Variants in RSRC1 observed in about 807,000 individuals in gnomAD.
The protein encoded by RSRC1 is serine/Arginine-related protein 53.
RSRC1 carries 39 observed loss-of-function variants against 49.1 expected under a neutral mutation model. That is an observed-to-expected ratio of 0.79 (90% CI 0.61 to 1.04). The LOEUF (loss-of-function observed/expected upper bound fraction) is 1.04, where lower values mean the gene tolerates loss of function less well. Among genes scored for constraint, RSRC1 ranks in the 50% least tolerant of loss-of-function variants. RSRC1 has a pLI of 0.00. For missense variants in RSRC1, 388 were observed against 402.4 expected (o/e 0.96, Z 0.31); for synonymous variants, 143 against 130.8 (o/e 1.09, Z -0.63).
At chr3:158,259,256 A>G (rs73874347) in intron 4 of RSRC1, among the ~76,000 whole-genome samples, 11,647 of 152,016 alleles carry the variant, frequency 0.077, 538 homozygotes, top group South Asian at 0.13. Flanking sequence ...GTTGCACTCT[A>G]TGTCTTTGGT....
intron 4 of RSRC1, among the ~76,000 whole-genome samples, chr3:158,218,286 A>G (rs532912166): frequency 6.6e-6 from 1 of 151,684 alleles, no homozygotes; most frequent in East Asian, 1.9e-4. Flanking sequence ...GTAAGAGTGG[A>G]TGCGGAGAAA....
chr3:158,139,270 G>A (rs1212437945), intron 3 of RSRC1, among the ~76,000 whole-genome samples: 1 of 151,914 alleles, frequency 6.6e-6, no homozygotes, highest in Non-Finnish European at 1.5e-5. Context: ...GCCTGGTGAC[G>A]GGTGCCTGTA....
At chr3:158,217,255 C>T (rs558483930) in intron 4 of RSRC1, among the ~76,000 whole-genome samples, 12 of 151,658 alleles carry the variant, frequency 7.9e-5, no homozygotes, top group Admixed American at 2.6e-4. Flanking sequence ...CCAAAGAGTC[C>T]GTGATATGTT....
chr3:158,175,225 A>G (rs1413898460), intron 3 of RSRC1, among the ~76,000 whole-genome samples: 1 of 151,286 alleles, frequency 6.6e-6, no homozygotes, highest in Non-Finnish European at 1.5e-5. Context: ...CTGGTTATAA[A>G]CCCTTTGTTG....
At chr3:158,207,330 CTT>C (rs1234189567) in intron 4 of RSRC1, among the ~76,000 whole-genome samples, 2 of 152,146 alleles carry the variant, frequency 1.3e-5, no homozygotes, top group African/African-American at 4.8e-5. Context: ...CTCCCTCTCT[CTT>C]CGTTCTTACT....
At chr3:158,368,693 A>T (rs187515284) in intron 6 of RSRC1, among the ~76,000 whole-genome samples, 2 of 152,320 alleles carry the variant, frequency 1.3e-5, no homozygotes, top group African/African-American at 4.8e-5. Flanking sequence ...TTGCTTATAT[A>T]TTAGATATAT....
At chr3:158,527,077 C>CTTTT (rs543523088) in intron 7 of RSRC1, among the ~76,000 whole-genome samples, 3 of 110,174 alleles carry the variant, frequency 2.7e-5, no homozygotes, top group East Asian at 2.8e-4. Flanking sequence ...AGTTCAAAAT[C>CTTTT]TTTTTTTTTT....
chr3:158,151,669 A>G (rs540440449), intron 3 of RSRC1, among the ~76,000 whole-genome samples: 2 of 152,316 alleles, frequency 1.3e-5, no homozygotes, highest in African/African-American at 4.8e-5. Context: ...ATGCAGAACC[A>G]GTATTCTTAA....
intron 3 of RSRC1, among the ~76,000 whole-genome samples, chr3:158,186,795 C>G (rs572250344): frequency 6.6e-6 from 1 of 151,710 alleles, no homozygotes; most frequent in African/African-American, 2.4e-5. Flanking sequence ...CTTTTTTTCC[C>G]CTTCTTCCCA....
Position 158,122,213 on chromosome 3 carries a change from C to T in RSRC1, c.109C>T (p.Arg37Ter), listed in dbSNP as rs1276427072. 1.2e-6 allele frequency: 2 copies of T among 1,606,988 alleles called. No homozygotes were observed. Among genetic ancestry groups the T allele is most frequent in the East Asian group, 2.3e-5 (1 of 44,238 alleles). The part of the protein sequence containing the change: ...SSSSDSRTYS[R>*]KKGGRKSRSK... ...TTCTTCAGATAGTAGAACATACAGC[C>T]GAAAGAAAGGAGGAAGGAAATCAAG... Residue 37 changes from arginine to a stop codon, truncating the protein, a stop_gained, in exon 2 of 10, where the codon CGA becomes TGA. Transcript: ENST00000611884. LOFTEE classifies it high-confidence loss of function.
chr3:158,201,893 T>G (rs774989643), intron 3 of RSRC1, among the ~76,000 whole-genome samples: 9 of 152,186 alleles, frequency 5.9e-5, no homozygotes, highest in Non-Finnish European at 1.3e-4. Context: ...AATTTTGAGT[T>G]TTTATCCTGG....
intron 4 of RSRC1, among the ~76,000 whole-genome samples, chr3:158,248,747 GCC>G (rs1036293667): frequency 1.3e-5 from 2 of 151,968 alleles, no homozygotes; most frequent in Non-Finnish European, 2.9e-5. Context: ...ACAGGCATGT[GCC>G]ACCACGCCTG....
At position 158,203,198 on chromosome 3, in the gene RSRC1, G is replaced by A; in HGVS notation, c.447G>A (p.Lys149=). The A allele has an allele frequency of 6.2e-7, 1 of 1,611,216 alleles. No individual in the cohort carries two copies. The highest frequency in any genetic ancestry group is 8.5e-7 in the Non-Finnish European group (1 of 1,178,646). The change falls in exon 4 of 10, where the codon AAG becomes AAA. Residue 149 remains lysine, a synonymous_variant. Coordinates refer to ENST00000611884, the MANE Select transcript of RSRC1 (RefSeq NM_001271838.2). ...GCAGAGATAAAGAGAAAAGAGAAAA[G>A]GAGAAGGATAAAGGGAAGGACAAGG... is the stretch of plus-strand genomic sequence containing the variant. The part of the protein sequence containing the change: ...RKGRDKEKRE[K]EKDKGKDKEL...
At chr3:158,324,168 A>G (rs955818374) in intron 5 of RSRC1, among the ~76,000 whole-genome samples, 17 of 152,144 alleles carry the variant, frequency 1.1e-4, no homozygotes, top group African/African-American at 4.1e-4. Flanking sequence ...TTACTGGTAT[A>G]TGGCTTTCTA....
intron 4 of RSRC1, chr3:158,276,362 G>C (rs1725816016): frequency 2.6e-6 from 2 of 776,182 alleles, no homozygotes; most frequent in Non-Finnish European, 4.7e-6. Flanking sequence ...TCAGAAGAAA[G>C]CGCATGATGA....
chr3:158,395,066 A>C (rs1486263681), intron 6 of RSRC1, among the ~76,000 whole-genome samples: 1 of 152,150 alleles, frequency 6.6e-6, no homozygotes, highest in Non-Finnish European at 1.5e-5. Flanking sequence ...AGTCAACAAA[A>C]GCAAGCAATG....
chr3:158,126,366 A>G (rs960063426), intron 3 of RSRC1, among the ~76,000 whole-genome samples: 1 of 150,662 alleles, frequency 6.6e-6, no homozygotes, highest in African/African-American at 2.4e-5. Context: ...TTCTGATTTT[A>G]TTTTGTATAT....
intron 4 of RSRC1, among the ~76,000 whole-genome samples, chr3:158,288,534 G>A (rs546038950): frequency 2.7e-4 from 41 of 152,262 alleles, no homozygotes; most frequent in African/African-American, 9.4e-4. Context: ...CAGATAGGTA[G>A]CATGTATCAC....
At chr3:158,425,720 G>T (rs1343474463) in intron 6 of RSRC1, among the ~76,000 whole-genome samples, 1 of 151,940 alleles carries the variant, frequency 6.6e-6, no homozygotes, top group African/African-American at 2.4e-5. Context: ...GGGAGTCTAA[G>T]TCTCTTTGTA....
Sources: gnomAD v4.1 joint callset for allele counts (sites outside exome capture counted in the v4.1 genomes callset) on GRCh38, gnomAD v4.1.1 for gene constraint, MANE v1.5 for transcripts, NCBI Gene and HGNC (gene_info 2026-07-23, HGNC 2026-07-21) for gene names.